ZNF335: variants seen among roughly 807,000 people sequenced by gnomAD.
ZNF335 encodes the protein zinc finger protein 335.
A neutral mutation model predicts 145.6 loss-of-function variants in ZNF335; 84 were observed. The observed-to-expected ratio is 0.58, with a 90% confidence interval of 0.48 to 0.69. ZNF335 has a LOEUF of 0.69. Ranked by LOEUF, ZNF335 falls within the 30% of genes least tolerant of loss-of-function variation. The pLI, the probability that ZNF335 is intolerant of heterozygous loss-of-function variation, is 0.00. For missense variants in ZNF335, 1,865 were observed against 1,809.7 expected (o/e 1.03, Z -0.55); for synonymous variants, 761 against 717.0 (o/e 1.06, Z -0.98).
At chr20:45,949,311 C>T in intron 26 of ZNF335, 22 bp downstream of exon 26, 2 of 1,614,048 alleles carry the variant, frequency 1.2e-6, no homozygotes, top group Non-Finnish European at 1.7e-6. Flanking sequence ...CCCCAGGTCT[C>T]CCTGTCCCCC....
rs1251483186 is a variant in ZNF335, at chr20:45,963,968, C to A, written c.1125G>T (p.Val375=). The part of the protein sequence containing the change: ...LPDGVEGEPL[V]SSQSGQSPPE... The stretch of plus-strand genomic sequence containing the variant: ...GAGGGCTCTGTCCACTCTGGGAACT[C>A]ACTAGAGGCTCTCCTTCCACACCTG... The change falls in exon 8 of 28, where the codon GTG becomes GTT. Residue 375 remains valine (V), a synonymous_variant. Coordinates refer to ENST00000322927, the MANE Select transcript of ZNF335 (RefSeq NM_022095.4). The A allele has an allele frequency of 2.6e-6, 4 of 1,522,704 alleles. No homozygotes were observed. Among genetic ancestry groups the A allele is most frequent in the Non-Finnish European group, 3.5e-6 (4 of 1,137,168 alleles). 94.3% of individuals were successfully genotyped at this position (1,522,704 alleles called of 1,614,324 possible).
Position 45,962,165 on chromosome 20 carries a change from G to A in ZNF335, c.1551C>T (p.His517=), listed in dbSNP as rs2083855050. The A allele has an allele frequency of 2.5e-6, 4 of 1,613,986 alleles. No homozygotes were observed. The highest frequency in any genetic ancestry group is 1.7e-5 in the Admixed American group (1 of 60,006). Reference sequence around the variant, plus strand: ...CACACTTGTAGGGCTTGCTGCCCACGTGGTTGAACATGTGCTCCTGGGAGA... The same window carrying A: ...CACACTTGTAGGGCTTGCTGCCCACATGGTTGAACATGTGCTCCTGGGAGA... ...WSSLKEHMFN[H]VGSKPYKCDE... is the part of the protein sequence containing the mutation. Residue 517 remains histidine (H), a synonymous_variant, in exon 10 of 28, where the codon CAC becomes CAT. Coordinates refer to ENST00000322927, the MANE Select transcript of ZNF335 (RefSeq NM_022095.4).
chr20:45,959,317 G>A lies in ZNF335; in HGVS notation c.2137C>T (p.Pro713Ser), dbSNP rs2083787473. The A allele has an allele frequency of 1.9e-6, 3 of 1,581,782 alleles. No homozygotes were observed. The Admixed American group carries it at 5.3e-5, about 28-fold the overall frequency. Reference sequence around the variant, plus strand: ...CGACGGCGGGAGGGGGGCTCCTCAGGGTGGCGCCTCCCCCATTCCTCGAAG... The same window carrying A: ...CGACGGCGGGAGGGGGGCTCCTCAGAGTGGCGCCTCCCCCATTCCTCGAAG... Reference protein sequence around the residue: ...SSFEEWGRRHPEEPPSRRRPF... With the variant: ...SSFEEWGRRHSEEPPSRRRPF... Residue 713 changes from proline to serine, a missense_variant, in exon 15 of 28, where the codon CCT becomes TCT. Physicochemically the swap from Pro to Ser is moderately conservative, Grantham distance 74. Coordinates refer to ENST00000322927, the MANE Select transcript of ZNF335 (RefSeq NM_022095.4).
In ZNF335 at chr20:45,949,334, T is replaced by G; in HGVS notation, c.3818A>C (p.Gln1273Pro). The part of the protein sequence containing the change: ...EQGAPFLQES[Q>P]IQYVPVSPGQ... ...CTCCCTGTCCCCCCACGGCCCTACC[T>G]GGGACTCCTGAAGGAACGGGGCTCC... The change falls in exon 26 of 28, where the codon CAG (glutamine) becomes CCG (proline). Residue 1273 changes from glutamine to proline, a missense_variant and splice_region_variant. Coordinates refer to ENST00000322927, the MANE Select transcript of ZNF335 (RefSeq NM_022095.4). 6.2e-7 allele frequency: 1 copy of G among 1,614,116 alleles called. No homozygotes were observed. Among genetic ancestry groups the G allele is most frequent in the Non-Finnish European group, 8.5e-7 (1 of 1,180,018 alleles).
Position 45,971,381 on chromosome 20 carries a change from G to A in ZNF335, c.30C>T (p.Ser10=). Residue 10 remains serine, a synonymous_variant, in exon 2 of 28, where the codon AGC becomes AGT. Transcript: ENST00000322927. Reference sequence around the variant, plus strand: ...GCCGGCCAGGCCCAGGGGCCGCGTCGCTGCTGCTCTCCACCTCGTTCTCCT... The same window carrying A: ...GCCGGCCAGGCCCAGGGGCCGCGTCACTGCTGCTCTCCACCTCGTTCTCCT... MEENEVESS[S]DAAPGPGRPE... The A allele has an allele frequency of 6.2e-7, 1 of 1,600,674 alleles. No homozygotes were observed. The highest frequency in any genetic ancestry group is 8.5e-7 in the Non-Finnish European group (1 of 1,179,756).
chr20:45,957,604 C>A lies in ZNF335; in HGVS notation c.2424G>T (p.Leu808=). The change falls in exon 17 of 28, where the codon CTG becomes CTT. Residue 808 remains leucine (L), a synonymous_variant. Transcript: ENST00000322927. ...AGCTCACCTGCAGGGCTGTGCCCCCCAGTTCCCGCTGAGCACTCATGTTCA... is the reference window on the plus strand; with the variant it reads ...AGCTCACCTGCAGGGCTGTGCCCCCAAGTTCCCGCTGAGCACTCATGTTCA... The part of the protein sequence containing the change: ...LLLNMSAQRE[L]GGTALQVAVV... 1 of 1,614,152 alleles carries A rather than the reference C, an allele frequency of 6.2e-7. No individual in the cohort carries two copies.
rs775800271 is a variant in ZNF335 at position 45,963,938 on chromosome 20, C to T, written c.1155G>A (p.Glu385=). Residue 385 remains glutamate (E), a synonymous_variant, in exon 8 of 28, where the codon GAG becomes GAA. Coordinates refer to ENST00000322927, the MANE Select transcript of ZNF335 (RefSeq NM_022095.4). The part of the protein sequence containing the change: ...VSSQSGQSPP[E]PQDPEAPSSS... ...AGCTGGGAGCCTCGGGATCCTGTGGCTCTGGAGGGCTCTGTCCACTCTGGG... is the reference window on the plus strand; with the variant it reads ...AGCTGGGAGCCTCGGGATCCTGTGGTTCTGGAGGGCTCTGTCCACTCTGGG... 11 of 1,553,726 alleles carry T rather than the reference C, an allele frequency of 7.1e-6. No homozygotes were observed. The East Asian group carries it at 2.5e-4, about 35-fold the overall frequency.
Position 45,948,764 on chromosome 20 carries a change from C to G in ZNF335, c.*189G>C. ...AAGCCTGCCTGCAGGCTGGGGCACC[C>G]AGCATGTCCTGGCTGGGGCCCATGG... On this transcript the variant is annotated 3_prime_UTR_variant, in exon 28 of 28. Coordinates refer to ENST00000322927, the MANE Select transcript of ZNF335 (RefSeq NM_022095.4). The G allele has an allele frequency of 1.2e-6, 1 of 846,342 alleles. No individual in the cohort carries two copies. Among genetic ancestry groups the G allele is most frequent in the African/African-American group, 1.7e-5 (1 of 59,076 alleles). 52.4% of individuals were successfully genotyped at this position (846,342 alleles called of 1,614,324 possible). A position where few individuals can be genotyped will look rare whatever the true frequency, so the allele number is the denominator to read the frequency against.
Position 45,949,516 on chromosome 20 carries a change from T to A in ZNF335, c.3722A>T (p.Tyr1241Phe), listed in dbSNP as rs569368236. The part of the protein sequence containing the change: ...DGVQHLLPQE[Y>F]VVVPEGHHIQ... Reference sequence around the variant, plus strand: ...GTGATGGCCTTCAGGGACCACAACATATTCCTGGGGGAGCAGGTGCTGGAC... The same window carrying A: ...GTGATGGCCTTCAGGGACCACAACAAATTCCTGGGGGAGCAGGTGCTGGAC... The change falls in exon 25 of 28, where the codon TAT becomes TTT. Residue 1241 changes from tyrosine (Y) to phenylalanine (F), a missense_variant. Physicochemically the swap from Tyr to Phe is conservative, Grantham distance 22. Transcript: ENST00000322927. 2.0e-5 allele frequency: 33 copies of A among 1,613,516 alleles called. No individual in the cohort carries two copies. In the South Asian group the frequency reaches 3.3e-4, roughly 16 times the overall value.
chr20:45,949,302 C>T (rs2083583419), intron 26 of ZNF335, 31 bp downstream of exon 26: 1 of 1,614,020 alleles, frequency 6.2e-7, no homozygotes, highest in Middle Eastern at 1.6e-4. Context: ...CTGCCTGTGC[C>T]CCAGGTCTCC....
intron 18 of ZNF335, among the ~76,000 whole-genome samples, chr20:45,953,061 C>T (rs1368464749): frequency 6.6e-6 from 1 of 152,234 alleles, no homozygotes; most frequent in Non-Finnish European, 1.5e-5. Context: ...GGACCTGCTG[C>T]CTAAGAGCAG....
Position 45,972,154 on chromosome 20 carries a change from T to G in ZNF335, c.-83A>C. On this transcript the variant is annotated 5_prime_UTR_variant, in exon 1 of 28. Transcript: ENST00000322927. Reference sequence around the variant, plus strand: ...TTTCGTAGCCACGTTCCTCTCTGACTCCGGCATCGACGAGGTCGCCATCCT... The same window carrying G: ...TTTCGTAGCCACGTTCCTCTCTGACGCCGGCATCGACGAGGTCGCCATCCT... The G allele has an allele frequency of 7.8e-7, 1 of 1,289,246 alleles. No individual in the cohort carries two copies. Among genetic ancestry groups the G allele is most frequent in the Non-Finnish European group, 1.0e-6 (1 of 988,596 alleles). 79.9% of individuals were successfully genotyped at this position (1,289,246 alleles called of 1,614,324 possible). A position where few individuals can be genotyped will look rare whatever the true frequency, so the allele number is the denominator to read the frequency against.
intron 10 of ZNF335, among the ~76,000 whole-genome samples, chr20:45,961,301 A>G (rs1336757185): frequency 1.3e-5 from 2 of 152,138 alleles, no homozygotes; most frequent in Admixed American, 1.3e-4. Context: ...TGAAGCAGAA[A>G]GATCGCTTAA....
In ZNF335 at chr20:45,952,457, G is replaced by A; in HGVS notation, c.2879C>T (p.Pro960Leu). ...PDALASGAKW[P>L]LLQCGGLPRD... is the part of the protein sequence containing the mutation. ...GGGCAGTCCCCCACACTGCAGCAGG[G>A]GCCATTTGGCACCAGAGGCCAGAGC... is the stretch of plus-strand genomic sequence containing the variant. The change falls in exon 20 of 28, where the codon CCC becomes CTC. Residue 960 changes from proline (P) to leucine (L), a missense_variant. Transcript: ENST00000322927. The A allele has an allele frequency of 6.4e-7, 1 of 1,563,300 alleles. No homozygotes were observed. The highest frequency in any genetic ancestry group is 8.7e-7 in the Non-Finnish European group (1 of 1,151,692).
chr20:45,949,898 C>T, intron 23 of ZNF335, 21 bp from the exon 24 acceptor site: 1 of 1,614,170 alleles, frequency 6.2e-7, no homozygotes, highest in South Asian at 1.1e-5. Context: ...CAAGACAGCT[C>T]TAGCCTCATT....
At position 45,963,790 on chromosome 20, in the gene ZNF335, G is replaced by A. The variant is rs757865433; in HGVS notation, c.1303C>T (p.Pro435Ser). Residue 435 changes from proline to serine, a missense_variant, in exon 8 of 28, where the codon CCC becomes TCC. By Grantham distance (74) the Pro-to-Ser change is moderately conservative. Coordinates refer to ENST00000322927, the MANE Select transcript of ZNF335 (RefSeq NM_022095.4). ...PSCPDEHDTLPRRRGRPSRRF... is the reference protein window; with the variant it reads ...PSCPDEHDTLSRRRGRPSRRF... ...CTGGAAGGTCGACCTCGGCGCCGGG[G>A]CAGAGTGTCATGCTCATCCGGGCAG... 2 of 1,614,154 alleles carry A rather than the reference G, an allele frequency of 1.2e-6. No individual in the cohort carries two copies. The highest frequency in any genetic ancestry group is 2.2e-5 in the South Asian group (2 of 91,084).
chr20:45,969,958 T>C, intron 2 of ZNF335: 1 of 375,904 alleles, frequency 2.7e-6, no homozygotes, highest in East Asian at 4.1e-5. Context: ...GGGGGAGCTA[T>C]TTTCTTTGGG....
At chr20:45,969,853 C>G in intron 2 of ZNF335, 162 bp from the exon 3 acceptor site, 1 of 877,184 alleles carries the variant, frequency 1.1e-6, no homozygotes, top group Non-Finnish European at 1.6e-6. Context: ...GAGAGGCCCT[C>G]CAGTCACAGA....
rs755688411 is a variant in ZNF335 at position 45,963,982 on chromosome 20, C to T, written c.1111G>A (p.Gly371Arg). ...CTCTGGGAACTCACTAGAGGCTCTC[C>T]TTCCACACCTGCCACGGACATGCCA... ...EISDLPDGVE[G>R]EPLVSSQSGQ... is the part of the protein sequence containing the mutation. Residue 371 changes from glycine to arginine, a missense_variant, in exon 8 of 28, where the codon GGA becomes AGA. Physicochemically the swap from Gly to Arg is moderately radical, Grantham distance 125. Coordinates refer to ENST00000322927, the MANE Select transcript of ZNF335 (RefSeq NM_022095.4). 14 of 1,517,590 alleles carry T rather than the reference C, an allele frequency of 9.2e-6. No homozygotes were observed. In the Admixed American group the frequency reaches 3.1e-4, roughly 34 times the overall value. The allele number at this position is 1,517,590 out of a possible 1,614,324, so 94.0% of individuals were successfully genotyped here. A position where few individuals can be genotyped will look rare whatever the true frequency, so the allele number is the denominator to read the frequency against.
Sources: gnomAD v4.1 joint callset for allele counts (sites outside exome capture counted in the v4.1 genomes callset) on GRCh38, gnomAD v4.1.1 for gene constraint, MANE v1.5 for transcripts, NCBI Gene and HGNC (gene_info 2026-07-23, HGNC 2026-07-21) for gene names.